The following PDE5A variants were observed in gnomAD, a reference collection of about 807,000 sequenced individuals.
PDE5A encodes the protein cGMP-specific 3',5'-cyclic phosphodiesterase.
Under a neutral mutation model 110.2 loss-of-function variants are expected in PDE5A, and 67 were observed. The observed-to-expected ratio is 0.61, with a 90% CI of 0.50 to 0.75. The LOEUF is 0.75. Ranked by LOEUF, PDE5A falls within the 30% of genes least tolerant of loss-of-function variation. The pLI is 0.00. For synonymous variants in PDE5A, 328 were observed against 351.2 expected, an observed-to-expected ratio of 0.93 and a Z score of 0.74; for missense variants, 862 against 1,045.1, an observed-to-expected ratio of 0.82 and a Z score of 2.42.
At chr4:119,518,136 G>C (rs941226011) in intron 14 of PDE5A, among the ~76,000 whole-genome samples, 1 of 152,196 alleles carries the variant, frequency 6.6e-6, no homozygotes, top group Non-Finnish European at 1.5e-5. Flanking sequence ...AATGTGATTA[G>C]AGAGCTTTCT....
intron 8 of PDE5A, 129 bp downstream of exon 8, chr4:119,553,509 T>TGAG (rs1727433865): frequency 4.5e-6 from 3 of 668,590 alleles, no homozygotes; most frequent in Non-Finnish European, 8.1e-6. Context: ...CTTCCTCAGA[T>TGAG]GAGGGAAAGC....
chr4:119,533,572 T>G (rs1040139165), intron 11 of PDE5A, among the ~76,000 whole-genome samples: 23 of 152,268 alleles, frequency 1.5e-4, no homozygotes, highest in Admixed American at 1.4e-3. Context: ...TTGCAGACAG[T>G]AAAGAAATGA....
At chr4:119,511,177 T>G in intron 14 of PDE5A, 43 bp from the exon 15 acceptor site, 1 of 1,213,122 alleles carries the variant, frequency 8.2e-7, no homozygotes. Flanking sequence ...ATCAGTTTCC[T>G]TAATATGCCA....
intron 7 of PDE5A, among the ~76,000 whole-genome samples, chr4:119,557,252 T>C (rs1206456397): frequency 6.6e-6 from 1 of 152,212 alleles, no homozygotes; most frequent in East Asian, 1.9e-4. Context: ...TCTAGGATAC[T>C]TCTGTACAAC....
chr4:119,621,572 T>A (rs758584802), intron 1 of PDE5A, among the ~76,000 whole-genome samples: 8 of 151,746 alleles, frequency 5.3e-5, no homozygotes, highest in African/African-American at 1.7e-4. Flanking sequence ...GACAGATAAA[T>A]AGATGCAAGG....
chr4:119,586,149 T>C (rs2110526173), intron 3 of PDE5A, among the ~76,000 whole-genome samples: 1 of 152,374 alleles, frequency 6.6e-6, no homozygotes, highest in South Asian at 2.1e-4. Flanking sequence ...CAATACGGCA[T>C]AGTACTCATG....
intron 20 of PDE5A, chr4:119,500,834 T>A (rs1725290652): frequency 5.9e-6 from 1 of 170,740 alleles, no homozygotes; most frequent in Admixed American, 6.3e-5. Flanking sequence ...TGGATTACTT[T>A]TCTTTATTTA....
intron 3 of PDE5A, among the ~76,000 whole-genome samples, chr4:119,593,036 T>C (rs1016070730): frequency 6.6e-6 from 1 of 152,146 alleles, no homozygotes; most frequent in Non-Finnish European, 1.5e-5. Flanking sequence ...ATTTAAATCA[T>C]CTCTCAGTAG....
At chr4:119,571,324 A>G (rs1426149705) in intron 3 of PDE5A, among the ~76,000 whole-genome samples, 1 of 152,150 alleles carries the variant, frequency 6.6e-6, no homozygotes. Flanking sequence ...GACATGTGAT[A>G]AAGTTAAAGA....
intron 16 of PDE5A, among the ~76,000 whole-genome samples, chr4:119,507,282 AAGG>A (rs1725587744): frequency 6.6e-6 from 1 of 152,026 alleles, no homozygotes; most frequent in African/African-American, 2.4e-5. Flanking sequence ...GAGCAAGGGA[AAGG>A]AGGAAAAGCA....
rs1272786642 is a variant in PDE5A, at chr4:119,495,579, T to C, written c.*3022A>G. On this transcript the variant is annotated 3_prime_UTR_variant, in exon 21 of 21. Coordinates refer to ENST00000354960, the MANE Select transcript of PDE5A (RefSeq NM_001083.4). Reference sequence around the variant, plus strand: ...TATGCTGAAAATAAAGGCACTTCACTGCTAGGCAAGAATATATCTGTGACT... The same window carrying C: ...TATGCTGAAAATAAAGGCACTTCACCGCTAGGCAAGAATATATCTGTGACT... 1.3e-5 allele frequency: 2 copies of C among 152,590 alleles called. No homozygotes were observed. Among genetic ancestry groups the C allele is most frequent in the East Asian group, 1.9e-4 (1 of 5,178 alleles). 9.5% of individuals were successfully genotyped at this position (152,590 alleles called of 1,614,324 possible). A position where few individuals can be genotyped will look rare whatever the true frequency, so the allele number is the denominator to read the frequency against.
Position 119,539,168 on chromosome 4 carries a change from G to A in PDE5A, c.1573-149C>T, listed in dbSNP as rs188908450. 8 of 662,636 alleles carry A rather than the reference G, an allele frequency of 1.2e-5. No homozygotes were observed. In the Admixed American group the frequency reaches 2.0e-4, roughly 16 times the overall value. 41.0% of individuals were successfully genotyped at this position (662,636 alleles called of 1,614,324 possible). A position where few individuals can be genotyped will look rare whatever the true frequency, so the allele number is the denominator to read the frequency against. ...ATCTTGTTTGCTGTTTTCTTCAACA[G>A]TGAAAAACCCAGATTTAGATTCCAT... On this transcript the variant is annotated intron_variant, in intron 10 of 20. Transcript: ENST00000354960.
intron 11 of PDE5A, among the ~76,000 whole-genome samples, chr4:119,537,357 G>A (rs912070721): frequency 3.3e-5 from 5 of 151,790 alleles, no homozygotes; most frequent in South Asian, 2.1e-4. Context: ...CTGAAACTGC[G>A]TTCTCAATAA....
intron 3 of PDE5A, among the ~76,000 whole-genome samples, chr4:119,585,853 A>C (rs1728744273): frequency 6.6e-6 from 1 of 152,158 alleles, no homozygotes; most frequent in African/African-American, 2.4e-5. Context: ...TTTTTCTCAA[A>C]TTGCTCACTC....
intron 7 of PDE5A, among the ~76,000 whole-genome samples, chr4:119,559,246 T>A (rs945228333): frequency 2.6e-5 from 4 of 152,110 alleles, no homozygotes. Context: ...GAGGTCACTA[T>A]CACACCAATT....
chr4:119,510,399 T>C lies in PDE5A; in HGVS notation c.2088+648A>G, dbSNP rs545360208. Among the ~76,000 whole-genome samples the C allele has an allele frequency of 9.7e-4, 148 of 152,196 alleles. 1 individual carries two copies. Among genetic ancestry groups the C allele is most frequent in the Admixed American group, 7.9e-4 (12 of 15,260 alleles). Reference sequence around the variant, plus strand: ...ATGTTCAATGTAATAGTTAAAACTTTCATTTTTTCTTATTATTAAGGTAAT... The same window carrying C: ...ATGTTCAATGTAATAGTTAAAACTTCCATTTTTTCTTATTATTAAGGTAAT... On this transcript the variant is annotated intron_variant, in intron 15 of 20. Transcript: ENST00000354960.
At chr4:119,554,339 A>T (rs1330887653) in intron 7 of PDE5A, among the ~76,000 whole-genome samples, 1 of 152,126 alleles carries the variant, frequency 6.6e-6, no homozygotes, top group East Asian at 1.9e-4. Flanking sequence ...AGATACTTTT[A>T]AAATTAAAAA....
chr4:119,628,081 G>A, intron 1 of PDE5A: 1 of 978,498 alleles, frequency 1.0e-6, no homozygotes, highest in Non-Finnish European at 1.2e-6. Flanking sequence ...GGGCCAGGGC[G>A]AGGGGGGACG....
At chr4:119,568,473 A>G (rs1248209350) in intron 3 of PDE5A, among the ~76,000 whole-genome samples, 1 of 152,168 alleles carries the variant, frequency 6.6e-6, no homozygotes, top group African/African-American at 2.4e-5. Context: ...CCACTCAACA[A>G]ATAGTGAAGT....
Sources: gnomAD v4.1 joint callset for allele counts (sites outside exome capture counted in the v4.1 genomes callset) on GRCh38, gnomAD v4.1.1 for gene constraint, MANE v1.5 for transcripts, NCBI Gene and HGNC (gene_info 2026-07-23, HGNC 2026-07-21) for gene names.